The following CLIC5 variants were observed in gnomAD, a reference collection of about 807,000 sequenced individuals.
CLIC5 encodes the protein CLIC family member 5.
In CLIC5, 20 loss-of-function variants were observed where a neutral mutation model predicts 24.7. The ratio of observed to expected loss-of-function variants is 0.81; its 90% CI spans 0.57 to 1.18. The LOEUF (loss-of-function observed/expected upper bound fraction) is 1.18, where lower values mean the gene tolerates loss of function less well. Among genes scored for constraint, CLIC5 ranks in the 50% most tolerant of loss-of-function variants. The pLI is 0.00. For missense variants in CLIC5, 341 were observed against 326.1 expected (o/e 1.05, Z -0.35); for synonymous variants, 159 against 135.6 (o/e 1.17, Z -1.20).
the CLIC5 span, among the ~76,000 whole-genome samples, chr6:46,086,241 A>G: frequency 2.0e-5 from 3 of 152,208 alleles, no homozygotes; most frequent in Admixed American, 1.3e-4. Context: ...TGCACGGTGC[A>G]CTGCACCCAG....
Position 46,057,685 on chromosome 6 carries a change from G to C in CLIC5, c.540+22018C>G, listed in dbSNP as rs144632558. 1.2e-3 allele frequency among the ~76,000 whole-genome samples: 178 copies of C among 152,288 alleles called. 4 individuals are homozygous for C. In the South Asian group the frequency reaches 0.028, roughly 24 times the overall value. The stretch of plus-strand genomic sequence containing the variant: ...TTTGATTTCAAGCGACAGCCCTGCA[G>C]GCAACTGTCTTTTTGGGCTGACTTG... On this transcript the variant is annotated intron_variant, in intron 1 of 5. Coordinates refer to the CLIC5 transcript ENST00000185206.
intron 1 of CLIC5, among the ~76,000 whole-genome samples, chr6:46,005,980 GTATATA>G (rs35395134): frequency 8.5e-5 from 10 of 117,696 alleles, no homozygotes; most frequent in Admixed American, 1.8e-4. Flanking sequence ...GCCTATGTGT[GTATATA>G]TATATATATA....
intron 1 of CLIC5, among the ~76,000 whole-genome samples, chr6:45,985,342 C>T (rs1041473160): frequency 8.5e-5 from 13 of 152,212 alleles, no homozygotes; most frequent in South Asian, 8.3e-4. Flanking sequence ...AATTTTCAGG[C>T]GAGAATCTAA....
At chr6:46,099,883 A>G in the CLIC5 span, among the ~76,000 whole-genome samples, 20,122 of 151,882 alleles carry the variant, frequency 0.13, 1,800 homozygotes, top group South Asian at 0.33. Context: ...TCATTTTGAT[A>G]GTATTTTGTC....
intron 1 of CLIC5, among the ~76,000 whole-genome samples, chr6:45,972,332 G>A (rs1581808260): frequency 2.0e-5 from 3 of 152,150 alleles, no homozygotes; most frequent in Non-Finnish European, 4.4e-5. Context: ...AGGATCAAAG[G>A]TGCTCTGAAA....
the CLIC5 span, among the ~76,000 whole-genome samples, chr6:46,122,296 A>C: frequency 1.3e-5 from 2 of 152,230 alleles, no homozygotes; most frequent in South Asian, 4.1e-4. Flanking sequence ...CCACTCAACC[A>C]CATGGAAACT....
the CLIC5 span, among the ~76,000 whole-genome samples, chr6:46,121,659 C>A: frequency 9.2e-5 from 14 of 152,222 alleles, no homozygotes; most frequent in East Asian, 2.3e-3. Context: ...GAGTCAAGAA[C>A]CATCAGTGTG....
intron 4 of CLIC5, among the ~76,000 whole-genome samples, chr6:45,933,930 G>A (rs1343019954): frequency 1.3e-5 from 2 of 152,236 alleles, no homozygotes. Flanking sequence ...AGAGGAGTCA[G>A]AGCAGCAGGA....
At chr6:46,059,415 C>G (rs10484840) in intron 1 of CLIC5, among the ~76,000 whole-genome samples, 18,174 of 152,196 alleles carry the variant, frequency 0.12, 1,190 homozygotes, top group Middle Eastern at 0.17. Flanking sequence ...GGGAAACTTG[C>G]TATTGTTGCT....
At chr6:45,983,679 CTTCA>C (rs1417014339) in intron 1 of CLIC5, among the ~76,000 whole-genome samples, 1 of 152,132 alleles carries the variant, frequency 6.6e-6, no homozygotes, top group Non-Finnish European at 1.5e-5. Flanking sequence ...ATAGACAACC[CTTCA>C]TTCATTCATT....
At chr6:46,120,492 C>T in the CLIC5 span, among the ~76,000 whole-genome samples, 2 of 152,170 alleles carry the variant, frequency 1.3e-5, no homozygotes, top group African/African-American at 4.8e-5. Flanking sequence ...AAAAACAGAA[C>T]AGAAAAACTG....
the CLIC5 span, among the ~76,000 whole-genome samples, chr6:46,105,192 G>C: frequency 2.6e-5 from 4 of 152,084 alleles, no homozygotes; most frequent in Non-Finnish European, 5.9e-5. Context: ...TCTTTGAGCT[G>C]TCTTTGAGGT....
At chr6:45,896,759 C>T (rs1183233680), downstream of CLIC5, among the ~76,000 whole-genome samples, 5 of 152,330 alleles carry the variant, frequency 3.3e-5, no homozygotes, top group African/African-American at 1.2e-4. Flanking sequence ...TTGGTTTCTT[C>T]ACAGAACCGT....
At chr6:46,089,546 G>A in the CLIC5 span, among the ~76,000 whole-genome samples, 2 of 152,070 alleles carry the variant, frequency 1.3e-5, no homozygotes, top group Non-Finnish European at 1.5e-5. Context: ...CTCACACCTC[G>A]CATGCCCATG....
chr6:46,080,881 T>C (rs973641744), upstream of CLIC5, among the ~76,000 whole-genome samples: 2 of 152,238 alleles, frequency 1.3e-5, no homozygotes, highest in African/African-American at 4.8e-5. Context: ...CTCTGGCCTA[T>C]AGACACATCA....
intron 1 of CLIC5, among the ~76,000 whole-genome samples, chr6:46,034,651 C>A (rs2127457531): frequency 6.6e-6 from 1 of 152,298 alleles, no homozygotes; most frequent in Admixed American, 6.5e-5. Flanking sequence ...AAGCTTTGGG[C>A]ACTCTGTCAA....
chr6:45,903,084 G>A lies in CLIC5; in HGVS notation c.*4C>T. 6.2e-7 allele frequency: 1 copy of A among 1,614,104 alleles called. No individual in the cohort carries two copies. ...GCAGCGGGGATGGGGCAAAATGGCT[G>A]TGCTCAGGATCGGCTGAGGCGTTTG... On this transcript the variant is annotated 3_prime_UTR_variant, in exon 6 of 6. Transcript: ENST00000339561.
At chr6:46,002,246 T>C (rs3836939) in intron 1 of CLIC5, among the ~76,000 whole-genome samples, 1 of 139,614 alleles carries the variant, frequency 7.2e-6, no homozygotes, top group African/African-American at 2.6e-5. Context: ...TGTAATTTTT[T>C]TTGTTGTTGT....
At chr6:46,075,952 C>T (rs1411969095) in intron 1 of CLIC5, among the ~76,000 whole-genome samples, 1 of 152,118 alleles carries the variant, frequency 6.6e-6, no homozygotes, top group Non-Finnish European at 1.5e-5. Flanking sequence ...TTGGGCTTTC[C>T]CTTCAAAACA....
Sources: allele counts gnomAD v4.1 joint callset (sites outside exome capture counted in the v4.1 genomes callset), GRCh38; gene constraint gnomAD v4.1.1; transcripts MANE v1.5; gene names NCBI Gene and HGNC (gene_info 2026-07-23, HGNC 2026-07-21).